CSMD1: variants seen among roughly 807,000 people sequenced by gnomAD.
The protein encoded by CSMD1 is CUB and Sushi multiple domains 1.
A neutral mutation model predicts 417.5 loss-of-function variants in CSMD1; 213 were observed. The observed-to-expected ratio is 0.51, with a 90% confidence interval of 0.46 to 0.57. The LOEUF is 0.57. Among genes scored for constraint, CSMD1 ranks in the 20% least tolerant of loss-of-function variants. The probability of loss-of-function intolerance (pLI) is 0.00; values close to 1 mark genes in which losing one functional copy is unlikely to be tolerated. For synonymous variants in CSMD1, 2,862 were observed against 1,736.8 expected, an observed-to-expected ratio of 1.65 and a Z score of -16.11; for missense variants, 6,923 against 4,529.7, an observed-to-expected ratio of 1.53 and a Z score of -15.17.
chr8:3,538,219 G>A (rs748084414), intron 10 of CSMD1, among the ~76,000 whole-genome samples: 2 of 152,242 alleles, frequency 1.3e-5, no homozygotes, highest in South Asian at 2.1e-4. Context: ...ACCATCAGCT[G>A]GAACTGAGTA....
At chr8:4,066,425 T>G (rs1799252067) in intron 3 of CSMD1, among the ~76,000 whole-genome samples, 1 of 152,176 alleles carries the variant, frequency 6.6e-6, no homozygotes, top group South Asian at 2.1e-4. Context: ...CACCACAGAG[T>G]GCCTTGCACA....
At chr8:4,482,842 C>T (rs921021400) in intron 2 of CSMD1, among the ~76,000 whole-genome samples, 2 of 151,998 alleles carry the variant, frequency 1.3e-5, no homozygotes, top group African/African-American at 4.8e-5. Context: ...TACTAAAACT[C>T]TTAATTTGCT....
chr8:4,368,086 C>G (rs1370730679), intron 3 of CSMD1, among the ~76,000 whole-genome samples: 1 of 152,096 alleles, frequency 6.6e-6, no homozygotes. Flanking sequence ...TTGTCTCATT[C>G]CTGTTCTCAA....
chr8:3,828,270 G>C (rs1269305848), intron 5 of CSMD1, among the ~76,000 whole-genome samples: 1 of 152,036 alleles, frequency 6.6e-6, no homozygotes, highest in East Asian at 1.9e-4. Context: ...AGATCTGATG[G>C]CTCTTCCGAA....
At chr8:4,972,328 C>T (rs1175500596) in intron 1 of CSMD1, among the ~76,000 whole-genome samples, 1 of 152,080 alleles carries the variant, frequency 6.6e-6, no homozygotes, top group Admixed American at 6.5e-5. Context: ...CCGATAATCC[C>T]CAAGTGTCAA....
chr8:4,296,182 G>T (rs1001660136), intron 3 of CSMD1, among the ~76,000 whole-genome samples: 1 of 152,004 alleles, frequency 6.6e-6, no homozygotes, highest in Non-Finnish European at 1.5e-5. Context: ...CTCCCTCCTG[G>T]CACCTTAGTC....
At chr8:3,088,605 T>C (rs1158404593) in intron 48 of CSMD1, among the ~76,000 whole-genome samples, 1 of 151,960 alleles carries the variant, frequency 6.6e-6, no homozygotes, top group Non-Finnish European at 1.5e-5. Flanking sequence ...TATTCTCAGC[T>C]GGGTGAGCCT....
chr8:3,842,232 TG>T (rs1392250219), intron 5 of CSMD1, among the ~76,000 whole-genome samples: 2 of 152,162 alleles, frequency 1.3e-5, no homozygotes, highest in Non-Finnish European at 2.9e-5. Context: ...ATCATCTGCT[TG>T]TCCATTTCTC....
intron 3 of CSMD1, among the ~76,000 whole-genome samples, chr8:4,300,181 C>A (rs978063188): frequency 6.6e-6 from 1 of 152,156 alleles, no homozygotes; most frequent in Non-Finnish European, 1.5e-5. Context: ...AGACAATTTC[C>A]TTTTTGCCTA....
At chr8:3,847,388 G>A (rs549993315) in intron 5 of CSMD1, among the ~76,000 whole-genome samples, 81 of 152,236 alleles carry the variant, frequency 5.3e-4, no homozygotes, top group African/African-American at 1.6e-3. Flanking sequence ...CTGGCCTCCC[G>A]GAAGGCACTG....
At chr8:4,177,942 C>T (rs1051128818) in intron 3 of CSMD1, among the ~76,000 whole-genome samples, 20 of 152,074 alleles carry the variant, frequency 1.3e-4, no homozygotes, top group Non-Finnish European at 2.5e-4. Flanking sequence ...CAATCAATAG[C>T]TTATCAACCA....
At chr8:4,130,446 T>C (rs1803030000) in intron 3 of CSMD1, among the ~76,000 whole-genome samples, 2 of 152,158 alleles carry the variant, frequency 1.3e-5, no homozygotes, top group Non-Finnish European at 2.9e-5. Flanking sequence ...GTGCAAAAAT[T>C]TCTGGTTCTG....
At chr8:3,881,889 A>G (rs1230347590) in intron 5 of CSMD1, among the ~76,000 whole-genome samples, 2 of 152,180 alleles carry the variant, frequency 1.3e-5, no homozygotes, top group Non-Finnish European at 2.9e-5. Context: ...GGGCTGGGTC[A>G]GTTGCATGTT....
At chr8:3,951,680 C>T (rs967992010) in intron 5 of CSMD1, among the ~76,000 whole-genome samples, 8 of 152,030 alleles carry the variant, frequency 5.3e-5, no homozygotes, top group African/African-American at 1.4e-4. Context: ...TAAACATTTG[C>T]AGATATTTAG....
chr8:4,955,044 A>T (rs577478646), intron 1 of CSMD1, among the ~76,000 whole-genome samples: 1 of 152,118 alleles, frequency 6.6e-6, no homozygotes, highest in Non-Finnish European at 1.5e-5. Context: ...CGGGACATCC[A>T]TTGCTGTATG....
intron 12 of CSMD1, among the ~76,000 whole-genome samples, chr8:3,445,286 G>T (rs1225621826): frequency 1.3e-5 from 2 of 152,064 alleles, no homozygotes; most frequent in African/African-American, 4.8e-5. Context: ...ATAATTTTGG[G>T]GACGTCACTA....
chr8:3,204,043 T>C (rs1431169592), intron 31 of CSMD1, among the ~76,000 whole-genome samples: 1 of 152,192 alleles, frequency 6.6e-6, no homozygotes, highest in Non-Finnish European at 1.5e-5. Flanking sequence ...TTAGTTTATT[T>C]ATCAGGAAAG....
intron 3 of CSMD1, among the ~76,000 whole-genome samples, chr8:4,209,629 T>C (rs1057044485): frequency 2.6e-5 from 4 of 152,082 alleles, no homozygotes; most frequent in South Asian, 2.1e-4. Context: ...AGCCCCCGAA[T>C]TGGGGCTTAG....
At chr8:4,313,522 A>AC (rs1798748049) in intron 3 of CSMD1, among the ~76,000 whole-genome samples, 1 of 151,680 alleles carries the variant, frequency 6.6e-6, no homozygotes, top group African/African-American at 2.4e-5. Context: ...AAAAAAAAAA[A>AC]ATCACGCGTA....
Sources: allele counts gnomAD v4.1 joint callset (sites outside exome capture counted in the v4.1 genomes callset), GRCh38; gene constraint gnomAD v4.1.1; transcripts MANE v1.5; gene names NCBI Gene and HGNC (gene_info 2026-07-23, HGNC 2026-07-21).